Variants in ZDHHC7 observed in about 807,000 individuals in gnomAD.
The protein encoded by ZDHHC7 is palmitoyltransferase ZDHHC7.
Under a neutral mutation model 34.1 loss-of-function variants are expected in ZDHHC7, and 12 were observed. That is an observed-to-expected ratio of 0.35 (90% CI 0.23 to 0.57). The LOEUF is 0.57. ZDHHC7 is among the 20% of genes least tolerant of loss of function. The pLI, the probability that ZDHHC7 is intolerant of heterozygous loss-of-function variation, is 0.84. For synonymous variants in ZDHHC7, 185 were observed against 155.4 expected (o/e 1.19, Z -1.42); for missense variants, 388 against 402.7 (o/e 0.96, Z 0.31).
chr16:85,016,210 T>C (rs1467117971), upstream of ZDHHC7, among the ~76,000 whole-genome samples: 1 of 152,124 alleles, frequency 6.6e-6, no homozygotes, highest in East Asian at 1.9e-4. Context: ...TTTATACAGA[T>C]GAGGTCTCAC....
At chr16:85,000,875 G>A (rs975443661) in intron 1 of ZDHHC7, among the ~76,000 whole-genome samples, 1 of 152,210 alleles carries the variant, frequency 6.6e-6, no homozygotes, top group African/African-American at 2.4e-5. Context: ...CAAGTTAGCA[G>A]CAAAGTGTGA....
chr16:84,979,532 C>T (rs551218039), intron 4 of ZDHHC7, among the ~76,000 whole-genome samples: 6 of 152,288 alleles, frequency 3.9e-5, no homozygotes, highest in Non-Finnish European at 7.3e-5. Flanking sequence ...CCATACTTCA[C>T]GAGTTCTCAG....
rs766777560 is a variant in ZDHHC7 at position 84,981,883 on chromosome 16, C to T, written c.427G>A (p.Ala143Thr). The T allele has an allele frequency of 5.0e-6, 8 of 1,614,064 alleles. No homozygotes were observed. Among genetic ancestry groups the T allele is most frequent in the Admixed American group, 1.7e-5 (1 of 60,014 alleles). Residue 143 changes from alanine (A) to threonine (T), a missense_variant, in exon 4 of 8, where the codon GCC (alanine) becomes ACC (threonine). Physicochemically the swap from Ala to Thr is moderately conservative, Grantham distance 58. Coordinates refer to ENST00000313732, the MANE Select transcript of ZDHHC7 (RefSeq NM_017740.3). ...CAGCGCACGTACCTGCAGTGGTGGG[C>T]GCGCTCGGGTTTAATACAGCAGCAC... is the stretch of plus-strand genomic sequence containing the variant. ...PKCCCIKPER[A>T]HHCSICKRCI...
Position 84,990,546 on chromosome 16 carries a change from A to T in ZDHHC7, c.73T>A (p.Ser25Thr). ...PLLAENDNYDSSSSSSSEADV... is the reference protein window; with the variant it reads ...PLLAENDNYDTSSSSSSEADV... ...GCCTCGGAGGAGGAGGACGATGAAG[A>T]GTCATAGTTGTCATTTTCAGCCAGG... Residue 25 changes from serine to threonine, a missense_variant, in exon 3 of 8, where the codon TCT (serine) becomes ACT (threonine). Transcript: ENST00000313732. 6.2e-7 allele frequency: 1 copy of T among 1,614,136 alleles called. No individual in the cohort carries two copies. The highest frequency in any genetic ancestry group is 8.5e-7 in the Non-Finnish European group (1 of 1,180,028).
Position 84,990,649 on chromosome 16 carries a change from CGACACA to C in ZDHHC7, c.-17-20_-17-15del. 6.3e-7 allele frequency: 1 copy of C among 1,599,302 alleles called. No homozygotes were observed. Among genetic ancestry groups the C allele is most frequent in the Non-Finnish European group, 8.5e-7 (1 of 1,171,940 alleles). On this transcript the variant is annotated splice_polypyrimidine_tract_variant and intron_variant, in intron 2 of 7. Coordinates refer to ENST00000313732, the MANE Select transcript of ZDHHC7 (RefSeq NM_017740.3). ...CCCTGACGCACCCTGGGGAGGGGGA[CGACACA>C]GAGCTGGTAAGGCTCAAAAAGCTCA... is the stretch of plus-strand genomic sequence containing the variant.
upstream of ZDHHC7, among the ~76,000 whole-genome samples, chr16:85,014,008 G>A (rs2072824146): frequency 2.0e-5 from 3 of 152,076 alleles, no homozygotes; most frequent in South Asian, 2.1e-4. Context: ...TTGTTACAGG[G>A]ACCCCAACCA....
chr16:85,027,609 C>T, the ZDHHC7 span: 1 of 152,216 alleles, frequency 6.6e-6, no homozygotes, highest in Admixed American at 6.5e-5. Context: ...TCCCACCGAG[C>T]GTGGGCAGGC....
Position 84,990,380 on chromosome 16 carries a change from ACAGAGTAC to A in ZDHHC7, c.231_238del (p.Trp77CysfsTer8). The A allele has an allele frequency of 6.2e-7, 1 of 1,614,188 alleles. No individual in the cohort carries two copies. The highest frequency in any genetic ancestry group is 8.5e-7 in the Non-Finnish European group (1 of 1,180,036). On this transcript the variant is annotated frameshift_variant, in exon 3 of 8. Coordinates refer to ENST00000313732, the MANE Select transcript of ZDHHC7 (RefSeq NM_017740.3). LOFTEE classifies it high-confidence loss of function. ...GCAGTTAAAGATGACCCCGTTGACC[ACAGAGTAC>A]CAGAAGTCTTTGGAAGGCAGCAGCA...
chr16:84,977,246 G>A lies in ZDHHC7; in HGVS notation c.620-21C>T, dbSNP rs776873564. The A allele has an allele frequency of 8.1e-6, 13 of 1,613,258 alleles. No homozygotes were observed. The South Asian group carries it at 1.4e-4, about 18-fold the overall frequency. On this transcript the variant is annotated intron_variant, in intron 6 of 7. Coordinates refer to ENST00000313732, the MANE Select transcript of ZDHHC7 (RefSeq NM_017740.3). ...GCATTCTGCGGACAAGAGGAAGTTG[G>A]TTATAACTGGTCCTGAATACCCCGA...
chr16:84,998,353 G>A (rs1012751176), intron 1 of ZDHHC7, among the ~76,000 whole-genome samples: 13 of 152,032 alleles, frequency 8.6e-5, no homozygotes, highest in South Asian at 4.1e-4. Context: ...AGAAAAGGGC[G>A]CAAGCAGATC....
At chr16:85,023,622 C>CT in the ZDHHC7 span, among the ~76,000 whole-genome samples, 1 of 151,786 alleles carries the variant, frequency 6.6e-6, no homozygotes, top group Non-Finnish European at 1.5e-5. Flanking sequence ...CAAAGTATTT[C>CT]TTTGTTTGTT....
chr16:85,014,913 G>A (rs943113869), upstream of ZDHHC7, among the ~76,000 whole-genome samples: 2 of 152,050 alleles, frequency 1.3e-5, no homozygotes, highest in African/African-American at 2.4e-5. Context: ...AAATAATGTC[G>A]TGAGGTTGGG....
intron 1 of ZDHHC7, among the ~76,000 whole-genome samples, chr16:85,010,265 T>C (rs997298401): frequency 3.6e-4 from 54 of 149,846 alleles, no homozygotes; most frequent in African/African-American, 1.2e-3. Context: ...CAAGTGATCC[T>C]CCTGCCTCAG....
chr16:84,979,945 T>A (rs904198511), intron 4 of ZDHHC7, among the ~76,000 whole-genome samples: 1 of 139,950 alleles, frequency 7.1e-6, no homozygotes, highest in African/African-American at 2.8e-5. Context: ...TATCATAGCG[T>A]CACCTTTTTT....
chr16:84,998,805 G>A (rs889543113), intron 1 of ZDHHC7, among the ~76,000 whole-genome samples: 1 of 145,874 alleles, frequency 6.9e-6, no homozygotes, highest in African/African-American at 2.6e-5. Flanking sequence ...CCAGGCTGGA[G>A]TGCAGTGGCG....
the ZDHHC7 span, among the ~76,000 whole-genome samples, chr16:85,016,935 CT>C: frequency 0.21 from 30,879 of 149,528 alleles, 3,249 homozygotes; most frequent in Admixed American, 0.3. Flanking sequence ...GACTTGATTT[CT>C]TTTTTCTTTT....
chr16:85,008,818 G>A (rs886970269), intron 1 of ZDHHC7, among the ~76,000 whole-genome samples: 1 of 151,966 alleles, frequency 6.6e-6, no homozygotes, highest in African/African-American at 2.4e-5. Context: ...GGCTGAGGCA[G>A]GCGGATCACC....
intron 3 of ZDHHC7, among the ~76,000 whole-genome samples, chr16:84,984,073 G>A (rs927050557): frequency 1.4e-4 from 20 of 148,006 alleles, no homozygotes; most frequent in African/African-American, 5.0e-4. Flanking sequence ...AGGCTGGAGT[G>A]CAGTGGTGTG....
Position 84,976,253 on chromosome 16 carries a change from T to C in ZDHHC7, c.*90A>G, listed in dbSNP as rs771589106. The C allele has an allele frequency of 1.4e-5, 22 of 1,520,696 alleles. No homozygotes were observed. Among genetic ancestry groups the C allele is most frequent in the Non-Finnish European group, 1.8e-5 (20 of 1,119,168 alleles). 94.2% of individuals were successfully genotyped at this position (1,520,696 alleles called of 1,614,324 possible). On this transcript the variant is annotated 3_prime_UTR_variant, in exon 8 of 8. Coordinates refer to ENST00000313732, the MANE Select transcript of ZDHHC7 (RefSeq NM_017740.3). ...TGGTTTGTGTAGGTTCCAGTTGCCCTGTTGGTCACAGATGAGCTGTTGATA... is the reference window on the plus strand; with the variant it reads ...TGGTTTGTGTAGGTTCCAGTTGCCCCGTTGGTCACAGATGAGCTGTTGATA...
Sources: gnomAD v4.1 joint callset for allele counts (sites outside exome capture counted in the v4.1 genomes callset) on GRCh38, gnomAD v4.1.1 for gene constraint, MANE v1.5 for transcripts, NCBI Gene and HGNC (gene_info 2026-07-23, HGNC 2026-07-21) for gene names.